MED26: variants seen among roughly 807,000 people sequenced by gnomAD.
The protein encoded by MED26 is mediator complex subunit 26.
MED26 carries 7 observed loss-of-function variants against 43.7 expected under a neutral mutation model. That is an observed-to-expected ratio of 0.16 (90% CI 0.09 to 0.30). The LOEUF is 0.30. MED26 is among the 10% of genes least tolerant of loss of function. The probability of loss-of-function intolerance (pLI) is 1.00; values close to 1 mark genes in which losing one functional copy is unlikely to be tolerated. For missense variants in MED26, 784 were observed against 840.6 expected, an observed-to-expected ratio of 0.93 and a Z score of 0.83; for synonymous variants, 375 against 371.1, an observed-to-expected ratio of 1.01 and a Z score of -0.12.
chr19:16,601,701 C>A (rs761421126), intron 1 of MED26, among the ~76,000 whole-genome samples: 2 of 152,208 alleles, frequency 1.3e-5, no homozygotes, highest in Non-Finnish European at 2.9e-5. Context: ...GCTGGGGAGG[C>A]AAGGACCCGG....
intron 1 of MED26, among the ~76,000 whole-genome samples, chr19:16,596,970 AC>A: frequency 6.6e-6 from 1 of 152,256 alleles, no homozygotes; most frequent in Non-Finnish European, 1.5e-5. Flanking sequence ...CAAGAAGACC[AC>A]CACTCCATCA....
At chr19:16,625,801 G>C (rs1004441679) in intron 1 of MED26, among the ~76,000 whole-genome samples, 1 of 152,270 alleles carries the variant, frequency 6.6e-6, no homozygotes, top group Middle Eastern at 3.4e-3. Flanking sequence ...AAAGCAAACG[G>C]TCCTGTCAAA....
chr19:16,606,841 C>A (rs1486576290), intron 1 of MED26, among the ~76,000 whole-genome samples: 1 of 152,164 alleles, frequency 6.6e-6, no homozygotes, highest in Non-Finnish European at 1.5e-5. Flanking sequence ...TTGGTGGGAA[C>A]CCAAACCCAC....
intron 1 of MED26, among the ~76,000 whole-genome samples, chr19:16,608,024 C>T (rs528296438): frequency 6.6e-6 from 1 of 152,372 alleles, no homozygotes; most frequent in South Asian, 2.1e-4. Flanking sequence ...GCCCGGCAAG[C>T]AGGCCAAGGG....
chr19:16,599,197 C>T (rs73006531), intron 1 of MED26, among the ~76,000 whole-genome samples: 11,668 of 152,198 alleles, frequency 0.077, 586 homozygotes, highest in Non-Finnish European at 0.12. Context: ...AATACCTGGA[C>T]TTGGGTGATA....
chr19:16,609,854 C>T (rs779130539), intron 1 of MED26, among the ~76,000 whole-genome samples: 17 of 139,580 alleles, frequency 1.2e-4, no homozygotes, highest in Non-Finnish European at 2.1e-4. Context: ...TTCTCCACAA[C>T]AATTATCAAA....
At chr19:16,584,258 A>G (rs1335899383) in intron 1 of MED26, among the ~76,000 whole-genome samples, 1 of 151,780 alleles carries the variant, frequency 6.6e-6, no homozygotes, top group Non-Finnish European at 1.5e-5. Flanking sequence ...GTCTCAAAAA[A>G]AAGAAAAAGA....
rs767361773 is a variant in MED26 at position 16,576,781 on chromosome 19, C to T, written c.1049G>A (p.Arg350Gln). ...TGCCTTGCAGCCCGGCCCCGCCAGC[C>T]GCTGGTGGCTCTCAGGCTGCTCAAG... ...CWLEQPESHQ[R>Q]LAGPGCKAGL... The change falls in exon 3 of 3, where the codon CGG (arginine) becomes CAG (glutamine). Residue 350 changes from arginine (R) to glutamine (Q), a missense_variant. Arg to Gln is a conservative substitution (Grantham distance 43). This residue lies in a region of MED26 where 719 missense variants were observed against 730.9 expected (regional missense o/e 0.98). Transcript: ENST00000263390. The surrounding 1 kb of genome is among the most constrained non-coding windows in gnomAD (Gnocchi z 6.8). 6 of 1,607,722 alleles carry T rather than the reference C, an allele frequency of 3.7e-6. No homozygotes were observed. Among genetic ancestry groups the T allele is most frequent in the South Asian group, 2.2e-5 (2 of 90,860 alleles).
chr19:16,580,451 C>T (rs952818914), intron 1 of MED26, among the ~76,000 whole-genome samples: 1 of 152,162 alleles, frequency 6.6e-6, no homozygotes, highest in East Asian at 1.9e-4. Flanking sequence ...TCACTGCAAC[C>T]TCCGTCTCCT....
chr19:16,618,120 TGAGAG>T (rs539071537), intron 1 of MED26, among the ~76,000 whole-genome samples: 19 of 152,134 alleles, frequency 1.2e-4, no homozygotes, highest in Non-Finnish European at 2.5e-4. Context: ...GAGGCACAGA[TGAGAG>T]GAAACAGGCA....
chr19:16,602,228 C>T (rs967189455), intron 1 of MED26, among the ~76,000 whole-genome samples: 25 of 152,220 alleles, frequency 1.6e-4, no homozygotes, highest in Non-Finnish European at 4.4e-5. Flanking sequence ...AAAAATGGTG[C>T]CGACTGGAAC....
intron 1 of MED26, among the ~76,000 whole-genome samples, chr19:16,581,676 A>G (rs1421735967): frequency 6.6e-6 from 1 of 152,228 alleles, no homozygotes; most frequent in Non-Finnish European, 1.5e-5. Context: ...TGCCCCAGAA[A>G]TCACCGCTGA....
At chr19:16,620,865 G>A (rs2086248513) in intron 1 of MED26, among the ~76,000 whole-genome samples, 2 of 152,162 alleles carry the variant, frequency 1.3e-5, no homozygotes, top group East Asian at 3.8e-4. Flanking sequence ...ATTAGGAGTA[G>A]GTTCTGTCCT....
intron 1 of MED26, among the ~76,000 whole-genome samples, chr19:16,618,844 T>C (rs986212766): frequency 6.6e-6 from 1 of 152,112 alleles, no homozygotes; most frequent in African/African-American, 2.4e-5. Flanking sequence ...AGAGAAGGCA[T>C]AAGGAAACGT....
chr19:16,577,103 A>G lies in MED26; in HGVS notation c.727T>C (p.Leu243=), dbSNP rs2086010899. 1.9e-6 allele frequency: 3 copies of G among 1,610,210 alleles called. No individual in the cohort carries two copies. The highest frequency in any genetic ancestry group is 1.1e-5 in the South Asian group (1 of 91,038). The change falls in exon 3 of 3, where the codon TTG becomes CTG. Residue 243 remains leucine, a synonymous_variant. Coordinates refer to ENST00000263390, the MANE Select transcript of MED26 (RefSeq NM_004831.5). This position sits in a 1 kb window ranked among gnomAD's most constrained non-coding sequence, Gnocchi z 8.1. ...TGCAGCACCGAAGCCTTTGGCTGCA[A>G]GCAGGGTCCAGGGGGCTTGCCCAGG... ...PGLGKPPGPC[L]QPKASVLQQL...
intron 1 of MED26, among the ~76,000 whole-genome samples, chr19:16,609,336 A>AAAAAAAAGAGAGAGAG (rs765489188): frequency 2.8e-5 from 4 of 142,266 alleles, no homozygotes; most frequent in African/African-American, 5.0e-5. Context: ...AAAAAAAAAA[A>AAAAAAAAGAGAGAGAG]AGAGAGAGAA....
chr19:16,585,161 G>C (rs1157056911), intron 1 of MED26, among the ~76,000 whole-genome samples: 1 of 152,178 alleles, frequency 6.6e-6, no homozygotes, highest in Non-Finnish European at 1.5e-5. Flanking sequence ...TAACAGACCT[G>C]GTGCAGAAAC....
chr19:16,581,937 C>T (rs2086047896), intron 1 of MED26, among the ~76,000 whole-genome samples: 1 of 152,252 alleles, frequency 6.6e-6, no homozygotes, highest in Non-Finnish European at 1.5e-5. Flanking sequence ...CCCGCCTGCT[C>T]TACCTGTAAG....
intron 1 of MED26, among the ~76,000 whole-genome samples, chr19:16,595,175 G>A (rs1174800429): frequency 6.6e-6 from 1 of 152,140 alleles, no homozygotes; most frequent in African/African-American, 2.4e-5. Flanking sequence ...AGGTGCCTCT[G>A]CGTTGGACCC....
Sources: allele counts gnomAD v4.1 joint callset (sites outside exome capture counted in the v4.1 genomes callset), GRCh38; gene constraint gnomAD v4.1.1; regional missense constraint gnomAD v4.1.1; non-coding constraint Gnocchi (gnomAD v3.1); transcripts MANE v1.5; gene names NCBI Gene and HGNC (gene_info 2026-07-23, HGNC 2026-07-21).